LYRM7: variants seen among roughly 807,000 people sequenced by gnomAD.
LYRM7 encodes the protein complex III assembly factor LYRM7.
A neutral mutation model predicts 15.8 loss-of-function variants in LYRM7; 9 were observed. The ratio of observed to expected loss-of-function variants is 0.57; its 90% CI spans 0.34 to 0.99. The LOEUF (loss-of-function observed/expected upper bound fraction) is 0.99. Among genes scored for constraint, LYRM7 ranks in the 50% least tolerant of loss-of-function variants. The probability of loss-of-function intolerance (pLI) is 0.02; values close to 1 mark genes in which losing one functional copy is unlikely to be tolerated. For missense variants in LYRM7, 115 were observed against 119.1 expected (o/e 0.97, Z 0.16); for synonymous variants, 39 against 39.4 (o/e 0.99, Z 0.04).
At chr5:131,184,644 G>GGGGC in intron 3 of LYRM7, among the ~76,000 whole-genome samples, 1 of 144,920 alleles carries the variant, frequency 6.9e-6, no homozygotes, top group Admixed American at 6.6e-5. Flanking sequence ...TTTTGGCGGG[G>GGGGC]GGGGGGTTCC....
chr5:131,202,391 G>A lies in LYRM7; in HGVS notation c.*2790G>A, dbSNP rs1030212774. 1.3e-5 allele frequency: 2 copies of A among 152,238 alleles called. No individual in the cohort carries two copies. Among genetic ancestry groups the A allele is most frequent in the African/African-American group, 4.8e-5 (2 of 41,442 alleles). The allele number at this position is 152,238 out of a possible 1,614,324, so 9.4% of individuals were successfully genotyped here. A position where few individuals can be genotyped will look rare whatever the true frequency, so the allele number is the denominator to read the frequency against. On this transcript the variant is annotated 3_prime_UTR_variant, in exon 5 of 5. Coordinates refer to ENST00000379380, the MANE Select transcript of LYRM7 (RefSeq NM_181705.4). ...CACCTGTAATCCCAGCTAGTCAGGA[G>A]GCTGAGGCAGGAGAATTACTTGAGC...
intron 1 of LYRM7, among the ~76,000 whole-genome samples, chr5:131,175,359 C>G (rs1235651275): frequency 6.6e-6 from 1 of 151,656 alleles, no homozygotes; most frequent in Non-Finnish European, 1.5e-5. Context: ...ACCACCATGC[C>G]CGGCTAATTT....
At chr5:131,188,265 T>C (rs1468762281) in intron 4 of LYRM7, among the ~76,000 whole-genome samples, 1 of 151,876 alleles carries the variant, frequency 6.6e-6, no homozygotes, top group African/African-American at 2.4e-5. Flanking sequence ...TCAAAAAATA[T>C]ATATATTGAA....
chr5:131,197,087 C>A (rs941386183), intron 4 of LYRM7, among the ~76,000 whole-genome samples: 1 of 152,098 alleles, frequency 6.6e-6, no homozygotes, highest in Non-Finnish European at 1.5e-5. Flanking sequence ...TTTATTTTTC[C>A]ATTCTCCCAT....
intron 1 of LYRM7, among the ~76,000 whole-genome samples, chr5:131,171,449 G>A (rs1241501836): frequency 1.3e-5 from 2 of 152,140 alleles, no homozygotes; most frequent in Non-Finnish European, 2.9e-5. Context: ...ATAAACAGAA[G>A]GTGCACAGAA....
intron 3 of LYRM7, among the ~76,000 whole-genome samples, chr5:131,183,478 T>C (rs1755745063): frequency 6.6e-6 from 1 of 152,208 alleles, no homozygotes; most frequent in South Asian, 2.1e-4. Context: ...AATTGAGGTC[T>C]GTTTATATCA....
chr5:131,196,282 A>G (rs908661178), intron 4 of LYRM7, among the ~76,000 whole-genome samples: 1 of 151,362 alleles, frequency 6.6e-6, no homozygotes, highest in Admixed American at 6.6e-5. Flanking sequence ...CTCCTAAAGT[A>G]CTAGGAGTAT....
intron 2 of LYRM7, among the ~76,000 whole-genome samples, chr5:131,181,275 G>GAAAAAAAA (rs1195878324): frequency 1.2e-4 from 1 of 8,342 alleles, no homozygotes; most frequent in African/African-American, 2.6e-4. Flanking sequence ...GACTCCATCT[G>GAAAAAAAA]AAAAAAAAAA....
intron 4 of LYRM7, among the ~76,000 whole-genome samples, chr5:131,187,367 AT>A (rs1755813574): frequency 6.6e-6 from 1 of 151,896 alleles, no homozygotes; most frequent in Admixed American, 6.6e-5. Context: ...ACAACTATAT[AT>A]TTTTATCATA....
In LYRM7 at chr5:131,184,024, G is replaced by A. The variant is rs544871851; in HGVS notation, c.162+1725G>A. 4.9e-4 allele frequency among the ~76,000 whole-genome samples: 74 copies of A among 151,834 alleles called. No homozygotes were observed. The East Asian group carries it at 0.012, about 25-fold the overall frequency. ...TCGCTCTTGTTGCCCAGGCTGGAGT[G>A]CAGTGGCATGATCCCAGGTCACTGC... On this transcript the variant is annotated intron_variant, in intron 3 of 4. Coordinates refer to ENST00000379380, the MANE Select transcript of LYRM7 (RefSeq NM_181705.4).
Position 131,204,740 on chromosome 5 carries a change from A to AGTGTGTGTG in LYRM7, c.*5139_*5140insGTGTGTGTG, listed in dbSNP as rs1212072260. On this transcript the variant is annotated 3_prime_UTR_variant, in exon 5 of 5. Coordinates refer to ENST00000379380, the MANE Select transcript of LYRM7 (RefSeq NM_181705.4). ...CAAGCATTTCAGAAAACGGATGTTC[A>AGTGTGTGTG]TTTGTGTGTGTGTGTGTGTGTAAGC... is the stretch of plus-strand genomic sequence containing the variant. 1 of 114,284 alleles carries AGTGTGTGTG rather than the reference A, an allele frequency of 8.8e-6. No individual in the cohort carries two copies. The highest frequency in any genetic ancestry group is 5.7e-5 in the African/African-American group (1 of 17,598). 7.1% of individuals were successfully genotyped at this position (114,284 alleles called of 1,614,324 possible).
intron 4 of LYRM7, among the ~76,000 whole-genome samples, chr5:131,194,814 G>A (rs1394267144): frequency 6.6e-6 from 1 of 152,060 alleles, no homozygotes; most frequent in Non-Finnish European, 1.5e-5. Context: ...ATTGTTTCTG[G>A]AAGCTTAGTC....
Position 131,199,609 on chromosome 5 carries a change from A to G in LYRM7, c.*8A>G. On this transcript the variant is annotated 3_prime_UTR_variant, in exon 5 of 5. Transcript: ENST00000379380. ...CCAACTCAGAAGCAATGAGTTTTCT[A>G]GAATACAACAAGTCTTTGTACTTTT... 1.3e-6 allele frequency: 2 copies of G among 1,583,630 alleles called. No individual in the cohort carries two copies. Among genetic ancestry groups the G allele is most frequent in the South Asian group, 1.2e-5 (1 of 85,386 alleles).
Position 131,201,801 on chromosome 5 carries a change from A to G in LYRM7, c.*2200A>G, listed in dbSNP as rs1230390289. 6.6e-6 allele frequency: 1 copy of G among 152,216 alleles called. No homozygotes were observed. Among genetic ancestry groups the G allele is most frequent in the Admixed American group, 6.5e-5 (1 of 15,282 alleles). The allele number at this position is 152,216 out of a possible 1,614,324, so 9.4% of individuals were successfully genotyped here. A position where few individuals can be genotyped will look rare whatever the true frequency, so the allele number is the denominator to read the frequency against. On this transcript the variant is annotated 3_prime_UTR_variant, in exon 5 of 5. Transcript: ENST00000379380. ...CTTGACTGTCACAAAATTCTGAAAG[A>G]TGTCGCACTCTATTCTTATATAGCA...
intron 3 of LYRM7, 100 bp downstream of exon 3, chr5:131,182,399 T>G (rs1467613064): frequency 2.7e-6 from 3 of 1,103,548 alleles, no homozygotes. Flanking sequence ...AACCATTACT[T>G]GATAGTTAAG....
chr5:131,179,943 A>T (rs1476210927), intron 1 of LYRM7, 152 bp from the exon 2 acceptor site: 6 of 520,250 alleles, frequency 1.2e-5, no homozygotes, highest in Non-Finnish European at 2.0e-5. Flanking sequence ...GTCAAAAAAA[A>T]ATTTTTTTTT....
intron 4 of LYRM7, among the ~76,000 whole-genome samples, chr5:131,191,444 A>G (rs1755884927): frequency 1.3e-5 from 2 of 152,188 alleles, no homozygotes; most frequent in African/African-American, 2.4e-5. Context: ...CATTTGGAAG[A>G]GTAATCACCT....
chr5:131,194,181 GA>G (rs1371636531), intron 4 of LYRM7, among the ~76,000 whole-genome samples: 2 of 152,106 alleles, frequency 1.3e-5, no homozygotes. Flanking sequence ...ATCTAATGTG[GA>G]AAGCAAAGTC....
chr5:131,185,105 T>G (rs149074980), intron 3 of LYRM7, among the ~76,000 whole-genome samples: 64 of 152,184 alleles, frequency 4.2e-4, no homozygotes, highest in African/African-American at 1.4e-3. Flanking sequence ...GCCTCCTGCT[T>G]CTAGCCGCAC....
Sources: allele counts gnomAD v4.1 joint callset (sites outside exome capture counted in the v4.1 genomes callset), GRCh38; gene constraint gnomAD v4.1.1; transcripts MANE v1.5; gene names NCBI Gene and HGNC (gene_info 2026-07-23, HGNC 2026-07-21).